MAGI2: variants seen among roughly 807,000 people sequenced by gnomAD.
The protein encoded by MAGI2 is membrane associated guanylate kinase, WW and PDZ domain containing 2, also known as membrane-associated guanylate kinase, WW and PDZ domain-containing protein 2.
A neutral mutation model predicts 133.3 loss-of-function variants in MAGI2; 35 were observed. That is an observed-to-expected ratio of 0.26 (90% CI 0.20 to 0.35). The LOEUF (loss-of-function observed/expected upper bound fraction) is 0.35. Ranked by LOEUF, MAGI2 falls within the 10% of genes least tolerant of loss-of-function variation. MAGI2 has a pLI of 1.00. For synonymous variants in MAGI2, 729 were observed against 710.6 expected, an observed-to-expected ratio of 1.03 and a Z score of -0.41; for missense variants, 1,636 against 1,863.4, an observed-to-expected ratio of 0.88 and a Z score of 2.25.
At chr7:78,861,078 C>T (rs533960712) in intron 2 of MAGI2, among the ~76,000 whole-genome samples, 52 of 152,298 alleles carry the variant, frequency 3.4e-4, no homozygotes, top group African/African-American at 1.3e-3. Context: ...GTGCCGTTTG[C>T]TAAGGCCATT....
At chr7:78,917,959 C>T (rs1238452051) in intron 2 of MAGI2, among the ~76,000 whole-genome samples, 2 of 152,164 alleles carry the variant, frequency 1.3e-5, no homozygotes, top group Admixed American at 6.6e-5. Flanking sequence ...CTTAGTACCT[C>T]TACGTGTTCA....
chr7:78,970,011 C>T (rs1772463401), intron 2 of MAGI2, among the ~76,000 whole-genome samples: 1 of 152,002 alleles, frequency 6.6e-6, no homozygotes, highest in South Asian at 2.1e-4. Flanking sequence ...ACAGCTCAGA[C>T]CCATGCATGC....
At chr7:78,923,204 C>T (rs1799402396) in intron 2 of MAGI2, among the ~76,000 whole-genome samples, 1 of 152,128 alleles carries the variant, frequency 6.6e-6, no homozygotes, top group South Asian at 2.1e-4. Context: ...TTAATTAGAT[C>T]CCATTTGTCA....
At chr7:78,896,652 C>T (rs889944146) in intron 2 of MAGI2, among the ~76,000 whole-genome samples, 1 of 151,824 alleles carries the variant, frequency 6.6e-6, no homozygotes, top group African/African-American at 2.4e-5. Context: ...ACTGCAACCT[C>T]CACCTCCTGG....
At chr7:78,971,483 G>A (rs983825366) in intron 2 of MAGI2, among the ~76,000 whole-genome samples, 1 of 151,934 alleles carries the variant, frequency 6.6e-6, no homozygotes, top group Non-Finnish European at 1.5e-5. Context: ...TTCATTTAGG[G>A]TAAAGGTGCT....
At chr7:79,290,608 A>C (rs777363547) in intron 1 of MAGI2, among the ~76,000 whole-genome samples, 7 of 151,884 alleles carry the variant, frequency 4.6e-5, no homozygotes, top group Non-Finnish European at 1.0e-4. Context: ...CATCATCTAC[A>C]TAGCTAAATG....
chr7:78,098,432 A>C (rs181461296), intron 20 of MAGI2, among the ~76,000 whole-genome samples: 28 of 152,316 alleles, frequency 1.8e-4, no homozygotes, highest in Admixed American at 9.8e-4. Flanking sequence ...CTGTTCATAT[A>C]GAGGATACAG....
intron 2 of MAGI2, among the ~76,000 whole-genome samples, chr7:78,778,287 C>T (rs180846528): frequency 6.6e-5 from 10 of 152,312 alleles, no homozygotes; most frequent in African/African-American, 1.7e-4. Context: ...ATTGTCCATA[C>T]CTTCCACCTT....
intron 20 of MAGI2, among the ~76,000 whole-genome samples, chr7:78,115,645 AC>A (rs1360125204): frequency 1.9e-4 from 1 of 5,300 alleles, no homozygotes; most frequent in Non-Finnish European, 8.4e-4. Flanking sequence ...AAAAGAAATA[AC>A]CTGAGTACCA....
At chr7:78,473,718 TATGCAGTTATACAAGG>T (rs1791458764) in intron 6 of MAGI2, among the ~76,000 whole-genome samples, 1 of 152,034 alleles carries the variant, frequency 6.6e-6, no homozygotes, top group Non-Finnish European at 1.5e-5. Context: ...TTTCTTCCCT[TATGCAGTTATACAAGG>T]ATGCAGTGGT....
chr7:78,115,266 C>T (rs540537740), intron 20 of MAGI2, among the ~76,000 whole-genome samples: 123 of 151,682 alleles, frequency 8.1e-4, no homozygotes, highest in African/African-American at 2.7e-3. Flanking sequence ...TTGCATGAAC[C>T]GGAACCCCAA....
At chr7:78,874,754 T>C (rs964019313) in intron 2 of MAGI2, among the ~76,000 whole-genome samples, 2 of 152,130 alleles carry the variant, frequency 1.3e-5, no homozygotes, top group Admixed American at 1.3e-4. Context: ...AATAATACAT[T>C]GTATAGTTTA....
chr7:78,077,080 A>T (rs1426116237), intron 21 of MAGI2, among the ~76,000 whole-genome samples: 1 of 152,074 alleles, frequency 6.6e-6, no homozygotes, highest in African/African-American at 2.4e-5. Context: ...GAAAGCGGGG[A>T]CCAATAGTGA....
intron 10 of MAGI2, among the ~76,000 whole-genome samples, chr7:78,202,446 G>A (rs1200751425): frequency 6.6e-6 from 1 of 152,034 alleles, no homozygotes; most frequent in Non-Finnish European, 1.5e-5. Context: ...ACTTTGGGAG[G>A]CCGAGGCGGG....
intron 6 of MAGI2, among the ~76,000 whole-genome samples, chr7:78,414,557 C>A (rs1285764239): frequency 6.6e-6 from 1 of 151,640 alleles, no homozygotes; most frequent in East Asian, 1.9e-4. Context: ...TTTAAAAGAC[C>A]AAGAGAGGGG....
intron 2 of MAGI2, among the ~76,000 whole-genome samples, chr7:78,842,567 G>A (rs553238271): frequency 6.6e-6 from 1 of 151,888 alleles, no homozygotes; most frequent in South Asian, 2.1e-4. Flanking sequence ...AAAGCAAAGA[G>A]CCTTGAAGAT....
chr7:78,176,772 C>T (rs1159136448), intron 14 of MAGI2, among the ~76,000 whole-genome samples: 2 of 152,020 alleles, frequency 1.3e-5, no homozygotes, highest in South Asian at 2.1e-4. Context: ...TGATTGAGTC[C>T]AGGAAGTTGA....
chr7:78,205,553 T>C (rs1829654151), intron 10 of MAGI2, among the ~76,000 whole-genome samples: 1 of 152,246 alleles, frequency 6.6e-6, no homozygotes. Flanking sequence ...GTTCCATATA[T>C]AGCATGAGAC....
At chr7:78,327,132 C>T (rs1287852794) in intron 9 of MAGI2, among the ~76,000 whole-genome samples, 2 of 152,176 alleles carry the variant, frequency 1.3e-5, no homozygotes, top group Non-Finnish European at 2.9e-5. Context: ...TGGAGCACTG[C>T]CCAGTCTGTT....
Sources: gnomAD v4.1 joint callset for allele counts (sites outside exome capture counted in the v4.1 genomes callset) on GRCh38, gnomAD v4.1.1 for gene constraint, MANE v1.5 for transcripts, NCBI Gene and HGNC (gene_info 2026-07-23, HGNC 2026-07-21) for gene names.